Variants in ARB2A observed in about 807,000 individuals in gnomAD.
The protein encoded by ARB2A is ARB2 cotranscriptional regulator A.
the ARB2A span, among the ~76,000 whole-genome samples, chr5:93,763,815 A>C: frequency 3.3e-5 from 5 of 152,226 alleles, no homozygotes; most frequent in Non-Finnish European, 2.9e-5. Context: ...TCTCATCAGC[A>C]AATGTAAAAG....
chr5:94,038,809 T>C, the ARB2A span, among the ~76,000 whole-genome samples: 1 of 135,066 alleles, frequency 7.4e-6, no homozygotes, highest in African/African-American at 2.7e-5. Flanking sequence ...AGGAAAATAC[T>C]AAAAAAAAAA....
the ARB2A span, among the ~76,000 whole-genome samples, chr5:93,818,118 GAAAAA>G: frequency 7.4e-6 from 1 of 134,346 alleles, no homozygotes; most frequent in African/African-American, 2.7e-5. Context: ...AAATGAAAAA[GAAAAA>G]AAAAAAACTA....
chr5:93,995,502 T>G, the ARB2A span, among the ~76,000 whole-genome samples: 11 of 152,226 alleles, frequency 7.2e-5, no homozygotes, highest in Non-Finnish European at 1.2e-4. Flanking sequence ...CAGCTGTGGT[T>G]GACTGCCATC....
At chr5:93,896,980 G>C in the ARB2A span, among the ~76,000 whole-genome samples, 1 of 151,960 alleles carries the variant, frequency 6.6e-6, no homozygotes, top group Non-Finnish European at 1.5e-5. Context: ...CAGATTTTCA[G>C]TCTATCAGCG....
the ARB2A span, among the ~76,000 whole-genome samples, chr5:93,636,074 CA>C: frequency 2.0e-5 from 3 of 152,166 alleles, no homozygotes; most frequent in Non-Finnish European, 4.4e-5. Flanking sequence ...TGTGAATTTA[CA>C]AAGCTATTGG....
At chr5:93,706,554 T>C in the ARB2A span, among the ~76,000 whole-genome samples, 1 of 152,164 alleles carries the variant, frequency 6.6e-6, no homozygotes, top group Non-Finnish European at 1.5e-5. Flanking sequence ...AATTTCATGT[T>C]ATGTGTATTT....
the ARB2A span, among the ~76,000 whole-genome samples, chr5:93,944,268 T>C: frequency 1.3e-5 from 2 of 152,180 alleles, no homozygotes; most frequent in Non-Finnish European, 2.9e-5. Flanking sequence ...TAATTATCTC[T>C]ATTCTTGCCA....
chr5:93,643,119 T>G, the ARB2A span, among the ~76,000 whole-genome samples: 1 of 152,170 alleles, frequency 6.6e-6, no homozygotes, highest in African/African-American at 2.4e-5. Context: ...TTATTTTAAT[T>G]TTTGTCCAAA....
the ARB2A span, among the ~76,000 whole-genome samples, chr5:93,905,803 C>G: frequency 6.6e-6 from 1 of 151,500 alleles, no homozygotes; most frequent in Non-Finnish European, 1.5e-5. Context: ...TTCTAGATTT[C>G]AATAGAATTA....
At chr5:93,786,766 C>A in the ARB2A span, among the ~76,000 whole-genome samples, 1 of 152,156 alleles carries the variant, frequency 6.6e-6, no homozygotes, top group Non-Finnish European at 1.5e-5. Context: ...GGGTCACAGT[C>A]CCCCCTTACT....
the ARB2A span, among the ~76,000 whole-genome samples, chr5:93,994,941 T>A: frequency 6.6e-6 from 1 of 151,490 alleles, no homozygotes; most frequent in Non-Finnish European, 1.5e-5. Context: ...AAGAAAAAGG[T>A]ATATATAAAT....
the ARB2A span, among the ~76,000 whole-genome samples, chr5:93,930,406 C>G: frequency 6.6e-6 from 1 of 152,144 alleles, no homozygotes; most frequent in African/African-American, 2.4e-5. Context: ...GTATAATACT[C>G]CTGAGCCCAG....
the ARB2A span, among the ~76,000 whole-genome samples, chr5:93,843,088 T>C: frequency 6.6e-6 from 1 of 152,166 alleles, no homozygotes; most frequent in South Asian, 2.1e-4. Context: ...AGACAAAAAG[T>C]TCTAAAGATA....
At chr5:93,858,214 A>G in the ARB2A span, among the ~76,000 whole-genome samples, 1 of 152,228 alleles carries the variant, frequency 6.6e-6, no homozygotes, top group African/African-American at 2.4e-5. Flanking sequence ...TTAGAGATTC[A>G]GAACCCAGGG....
the ARB2A span, among the ~76,000 whole-genome samples, chr5:93,857,990 AT>A: frequency 3.9e-5 from 6 of 152,134 alleles, no homozygotes; most frequent in African/African-American, 7.2e-5. Context: ...CTCACTTCTT[AT>A]TTTCTTTAGT....
At chr5:93,789,211 G>T in the ARB2A span, among the ~76,000 whole-genome samples, 1 of 152,192 alleles carries the variant, frequency 6.6e-6, no homozygotes, top group Admixed American at 6.5e-5. Flanking sequence ...GTTACAGCAT[G>T]TGAATTACTT....
At chr5:93,980,274 TA>T in the ARB2A span, among the ~76,000 whole-genome samples, 1 of 152,206 alleles carries the variant, frequency 6.6e-6, no homozygotes, top group Non-Finnish European at 1.5e-5. Flanking sequence ...TCTGGATCAA[TA>T]GTTATTTCCT....
the ARB2A span, among the ~76,000 whole-genome samples, chr5:93,640,532 TCTAA>T: frequency 4.0e-5 from 6 of 151,326 alleles, no homozygotes; most frequent in East Asian, 1.9e-4. Context: ...ATTTCAAAAC[TCTAA>T]CTGTGCTTTT....
chr5:93,902,305 C>CACTAGTCCAAAG, the ARB2A span, among the ~76,000 whole-genome samples: 1 of 152,016 alleles, frequency 6.6e-6, no homozygotes, highest in Non-Finnish European at 1.5e-5. Context: ...CAAATAAAGT[C>CACTAGTCCAAAG]ACACTAGTAA....
Sources: gnomAD v4.1 joint callset for allele counts (sites outside exome capture counted in the v4.1 genomes callset) on GRCh38, gnomAD v4.1.1 for gene constraint, MANE v1.5 for transcripts, NCBI Gene and HGNC (gene_info 2026-07-23, HGNC 2026-07-21) for gene names.